Variants in KCNG2 observed in about 807,000 individuals in gnomAD.
KCNG2 encodes voltage-gated potassium channel regulatory subunit KCNG2.
In KCNG2, 7 loss-of-function variants were observed where a neutral mutation model predicts 12.3. The observed-to-expected ratio is 0.57, with a 90% CI of 0.32 to 1.07. The LOEUF is 1.07. KCNG2 is among the 50% of genes least tolerant of loss of function. The pLI, the probability that KCNG2 is intolerant of heterozygous loss-of-function variation, is 0.04. For missense variants in KCNG2, 703 were observed against 726.0 expected, an observed-to-expected ratio of 0.97 and a Z score of 0.36; for synonymous variants, 414 against 351.4, an observed-to-expected ratio of 1.18 and a Z score of -1.99.
chr18:79,866,778 A>AGAGGTCTGGGTGCTGAGGTCTGGG (rs1979588237), intron 3 of KCNG2, among the ~76,000 whole-genome samples: 1 of 68,386 alleles, frequency 1.5e-5, no homozygotes. Context: ...AGAGGTCTGT[A>AGAGGTCTGGGTGCTGAGGTCTGGG]TGCTGAGAGG....
At chr18:79,882,395 A>AAAAAACAAGC (rs773155556) in intron 3 of KCNG2, among the ~76,000 whole-genome samples, 4 of 77,292 alleles carry the variant, frequency 5.2e-5, no homozygotes, top group African/African-American at 1.3e-4. Context: ...TAAGAGAATG[A>AAAAAACAAGC]AAAAACAAGC....
intron 1 of KCNG2, among the ~76,000 whole-genome samples, chr18:79,811,249 A>G (rs964903044): frequency 2.0e-5 from 3 of 152,264 alleles, no homozygotes; most frequent in African/African-American, 7.2e-5. Flanking sequence ...ATATGGAATT[A>G]CAAGGGACCA....
chr18:79,842,166 C>G (rs1417625743), intron 1 of KCNG2, among the ~76,000 whole-genome samples: 2 of 152,210 alleles, frequency 1.3e-5, no homozygotes, highest in Admixed American at 1.3e-4. Context: ...AGCCCAGGTA[C>G]CAGGTTGGCC....
intron 3 of KCNG2, among the ~76,000 whole-genome samples, chr18:79,879,788 G>C (rs969796150): frequency 6.6e-6 from 1 of 152,104 alleles, no homozygotes; most frequent in Non-Finnish European, 1.5e-5. Context: ...GGAAACGCAC[G>C]CGTGTCAAGG....
Position 79,884,045 on chromosome 18 carries a change from G to A in KCNG2, c.625-14995G>A, listed in dbSNP as rs112444116. ...TCCTGACGTTTCTATCCCAACCCCC[G>A]CCCTGCCATCTTTTCTTCTCCCAGT... On this transcript the variant is annotated intron_variant, in intron 3 of 3. Transcript: ENST00000316249. This position sits in a 1 kb window ranked among gnomAD's most constrained non-coding sequence, Gnocchi z 5.5. Among the ~76,000 whole-genome samples the A allele has an allele frequency of 0.19, 19,414 of 104,102 alleles. 1,534 individuals are homozygous for A. Among genetic ancestry groups the A allele is most frequent in the East Asian group, 0.43 (1,768 of 4,080 alleles). The allele number at this position is 104,102 out of a possible 152,430, so 68.3% of individuals were successfully genotyped here.
chr18:79,827,142 G>A (rs1049624994), intron 1 of KCNG2, among the ~76,000 whole-genome samples: 2 of 152,108 alleles, frequency 1.3e-5, no homozygotes, highest in African/African-American at 4.8e-5. Context: ...GGACAGGCTG[G>A]GGACTCCCAG....
rs1057116228 is a variant in KCNG2 at position 79,804,860 on chromosome 18, A to G, written c.-115+6846A>G. Among the ~76,000 whole-genome samples, 8 of 152,384 alleles carry G rather than the reference A, an allele frequency of 5.2e-5. No homozygotes were observed. In the East Asian group the frequency reaches 1.3e-3, roughly 26 times the overall value. ...TAAAAAGAAGTATAAATTACTTTTAAAAAATCTTGCGTAAGATTGCAACTG... is the reference window on the plus strand; with the variant it reads ...TAAAAAGAAGTATAAATTACTTTTAGAAAATCTTGCGTAAGATTGCAACTG... On this transcript the variant is annotated intron_variant, in intron 1 of 3. Transcript: ENST00000316249.
At chr18:79,838,866 C>T (rs1978377915) in intron 1 of KCNG2, among the ~76,000 whole-genome samples, 1 of 152,206 alleles carries the variant, frequency 6.6e-6, no homozygotes, top group Non-Finnish European at 1.5e-5. Context: ...TCAGGTCCCA[C>T]CTGCAGTACC....
At chr18:79,823,351 C>T (rs1362547861) in intron 1 of KCNG2, among the ~76,000 whole-genome samples, 1 of 152,196 alleles carries the variant, frequency 6.6e-6, no homozygotes, top group Admixed American at 6.5e-5. Flanking sequence ...GCAGGGTTGA[C>T]TCCCAGAATT....
chr18:79,839,434 T>C (rs1321335569), intron 1 of KCNG2, among the ~76,000 whole-genome samples: 1 of 152,226 alleles, frequency 6.6e-6, no homozygotes, highest in Non-Finnish European at 1.5e-5. Flanking sequence ...AAGGGAACCC[T>C]GCCAACAACT....
chr18:79,822,581 G>A lies in KCNG2; in HGVS notation c.-115+24567G>A, dbSNP rs148348530. Among the ~76,000 whole-genome samples, 44 of 152,264 alleles carry A rather than the reference G, an allele frequency of 2.9e-4. No individual in the cohort carries two copies. The East Asian group carries it at 6.8e-3, about 23-fold the overall frequency. Reference sequence around the variant, plus strand: ...AGCCTCCCGAGTAGCTGGGGCCACAGGCGTGAGCCACCATGCCTGGCTAAT... The same window carrying A: ...AGCCTCCCGAGTAGCTGGGGCCACAAGCGTGAGCCACCATGCCTGGCTAAT... On this transcript the variant is annotated intron_variant, in intron 1 of 3. Transcript: ENST00000316249. The surrounding 1 kb of genome is among the most constrained non-coding windows in gnomAD (Gnocchi z 4.4).
At chr18:79,851,503 A>G (rs968537188) in intron 1 of KCNG2, among the ~76,000 whole-genome samples, 2 of 152,214 alleles carry the variant, frequency 1.3e-5, no homozygotes, top group Non-Finnish European at 2.9e-5. Flanking sequence ...CAGAGGATGC[A>G]CATGATATTA....
intron 1 of KCNG2, among the ~76,000 whole-genome samples, chr18:79,804,326 A>G (rs2087432834): frequency 6.6e-6 from 1 of 152,172 alleles, no homozygotes; most frequent in Admixed American, 6.5e-5. Context: ...TGATCACTGC[A>G]TGGGGTATGC....
chr18:79,857,320 G>A (rs746503773), intron 2 of KCNG2, among the ~76,000 whole-genome samples: 17 of 150,260 alleles, frequency 1.1e-4, no homozygotes, highest in Admixed American at 4.6e-4. Flanking sequence ...ATTATGGAGC[G>A]CTTCTCTCCT....
chr18:79,802,145 C>T (rs2087414614), intron 1 of KCNG2, among the ~76,000 whole-genome samples: 3 of 152,220 alleles, frequency 2.0e-5, no homozygotes, highest in Admixed American at 1.3e-4. Context: ...TTGTGTGTTC[C>T]TGGTCACAGC....
chr18:79,813,030 C>T (rs1173668552), intron 1 of KCNG2, among the ~76,000 whole-genome samples: 2 of 152,058 alleles, frequency 1.3e-5, no homozygotes, highest in African/African-American at 4.8e-5. Flanking sequence ...TGGCGGGTGC[C>T]TGTAATCCCA....
intron 1 of KCNG2, among the ~76,000 whole-genome samples, chr18:79,818,267 G>A (rs1229271327): frequency 6.6e-6 from 1 of 152,226 alleles, no homozygotes; most frequent in African/African-American, 2.4e-5. Flanking sequence ...GGCACAGATG[G>A]AAACAGCTGA....
At chr18:79,887,820 G>A (rs1980586196) in intron 3 of KCNG2, among the ~76,000 whole-genome samples, 1 of 152,172 alleles carries the variant, frequency 6.6e-6, no homozygotes, top group Non-Finnish European at 1.5e-5. Flanking sequence ...TGTGAAGTTC[G>A]GGAATGGACT....
chr18:79,814,369 T>G (rs918501674), intron 1 of KCNG2, among the ~76,000 whole-genome samples: 4 of 152,256 alleles, frequency 2.6e-5, no homozygotes, highest in African/African-American at 9.6e-5. Flanking sequence ...CAGGTGATAG[T>G]TCGACGATCA....
Sources: allele counts gnomAD v4.1 joint callset (sites outside exome capture counted in the v4.1 genomes callset), GRCh38; gene constraint gnomAD v4.1.1; non-coding constraint Gnocchi (gnomAD v3.1); transcripts MANE v1.5; gene names NCBI Gene and HGNC (gene_info 2026-07-23, HGNC 2026-07-21).